Variants in CACNA1A observed in about 807,000 individuals in gnomAD.
The protein encoded by CACNA1A is voltage-dependent P/Q-type calcium channel subunit alpha-1A.
Under a neutral mutation model 262.4 loss-of-function variants are expected in CACNA1A, and 57 were observed. The ratio of observed to expected loss-of-function variants is 0.22; its 90% CI spans 0.18 to 0.27. The LOEUF (loss-of-function observed/expected upper bound fraction) is 0.27, where lower values mean the gene tolerates loss of function less well. Among genes scored for constraint, CACNA1A ranks in the 10% least tolerant of loss-of-function variants. The probability of loss-of-function intolerance (pLI) is 1.00; values close to 1 mark genes in which losing one functional copy is unlikely to be tolerated. For missense variants in CACNA1A, 2,526 were observed against 3,562.8 expected (o/e 0.71, Z 7.41); for synonymous variants, 1,431 against 1,419.3 (o/e 1.01, Z -0.18).
At chr19:13,325,032 T>TTCCTCTTCCCCTTCCCCTTCC (rs2058328078) in intron 10 of CACNA1A, among the ~76,000 whole-genome samples, 6 of 134,768 alleles carry the variant, frequency 4.5e-5, no homozygotes, top group African/African-American at 1.7e-4. Flanking sequence ...CGTCTTCTTC[T>TTCCTCTTCCCCTTCCCCTTCC]TCCTCTTCTT....
At chr19:13,442,941 TAGATCC>T (rs1281689078) in intron 3 of CACNA1A, among the ~76,000 whole-genome samples, 2 of 152,268 alleles carry the variant, frequency 1.3e-5, no homozygotes, top group East Asian at 3.8e-4. Flanking sequence ...AAATGGGTTC[TAGATCC>T]AGATCTGCCT....
At position 13,220,386 on chromosome 19, in the gene CACNA1A, G is replaced by C. The variant is rs560956477; in HGVS notation, c.5731+4281C>G. 2.0e-5 allele frequency among the ~76,000 whole-genome samples: 3 copies of C among 152,304 alleles called. No individual in the cohort carries two copies. The South Asian group carries it at 6.2e-4, about 32-fold the overall frequency. ...TCTCTGCTGGGTGGCAGATGGGGAAGTCAGAGAGAATGAGAGCACATGGAG... is the reference window on the plus strand; with the variant it reads ...TCTCTGCTGGGTGGCAGATGGGGAACTCAGAGAGAATGAGAGCACATGGAG... On this transcript the variant is annotated intron_variant, in intron 38 of 46. Coordinates refer to ENST00000360228, the MANE Select transcript of CACNA1A (RefSeq NM_001127222.2).
chr19:13,217,514 C>T (rs1279798529), intron 38 of CACNA1A, among the ~76,000 whole-genome samples: 3 of 152,168 alleles, frequency 2.0e-5, no homozygotes, highest in Non-Finnish European at 4.4e-5. Context: ...ACCCTCTTGA[C>T]CTTCCGTAAC....
At chr19:13,463,573 A>G (rs1437206033) in intron 1 of CACNA1A, among the ~76,000 whole-genome samples, 1 of 152,226 alleles carries the variant, frequency 6.6e-6, no homozygotes, top group Non-Finnish European at 1.5e-5. Context: ...ATCCCCGGGG[A>G]GAGAAAACAA....
chr19:13,259,616 G>A lies in CACNA1A; in HGVS notation c.4336C>T (p.Leu1446=), dbSNP rs1433239477. Residue 1446 remains leucine (L), a synonymous_variant, in exon 27 of 47, where the codon CTG becomes TTG. Coordinates refer to ENST00000360228, the MANE Select transcript of CACNA1A (RefSeq NM_001127222.2). ...KKYEFHYDNV[L]WALLTLFTVS... ...GTGAAGAGGGTCAGCAGAGCCCACA[G>A]CACATTGTCGTAATGGAATTCATAC... The A allele has an allele frequency of 1.2e-6, 2 of 1,610,494 alleles. No homozygotes were observed. Among genetic ancestry groups the A allele is most frequent in the East Asian group, 4.5e-5 (2 of 44,822 alleles).
At chr19:13,469,251 G>A (rs1012435669) in intron 1 of CACNA1A, among the ~76,000 whole-genome samples, 16 of 152,154 alleles carry the variant, frequency 1.1e-4, no homozygotes, top group Admixed American at 6.6e-5. Context: ...AGACTCCGAC[G>A]GAACCTGTTA....
Position 13,468,270 on chromosome 19 carries a change from G to A in CACNA1A, c.294-13058C>T, listed in dbSNP as rs75355225. On this transcript the variant is annotated intron_variant, in intron 1 of 46. Coordinates refer to ENST00000360228, the MANE Select transcript of CACNA1A (RefSeq NM_001127222.2). Reference sequence around the variant, plus strand: ...AACAAGAACTGAAGACCTTCTCCCTGTTTATCTTTTTTTCTAGGTCAGTAA... The same window carrying A: ...AACAAGAACTGAAGACCTTCTCCCTATTTATCTTTTTTTCTAGGTCAGTAA... 5.2e-3 allele frequency among the ~76,000 whole-genome samples: 784 copies of A among 152,216 alleles called. 15 individuals carry two copies. In the East Asian group the frequency reaches 0.065, roughly 13 times the overall value.
chr19:13,226,371 G>C (rs181857804), intron 37 of CACNA1A: 1,636 of 151,452 alleles, frequency 0.011, 11 homozygotes, highest in Non-Finnish European at 0.014. Context: ...AAGGAGGGGA[G>C]ACATATAGGT....
intron 6 of CACNA1A, among the ~76,000 whole-genome samples, chr19:13,346,653 TA>T (rs1568557576): frequency 3.3e-4 from 2 of 6,102 alleles, no homozygotes; most frequent in Non-Finnish European, 5.5e-4. Flanking sequence ...TATATATATA[TA>T]TATATATATA....
chr19:13,226,465 G>A (rs1865030), intron 37 of CACNA1A: 25,928 of 152,388 alleles, frequency 0.17, 2,982 homozygotes, highest in East Asian at 0.63. Context: ...GGATAGGGAC[G>A]CAGGGAAGAT....
At chr19:13,209,243 C>T (rs776111256) in intron 45 of CACNA1A, 69 bp downstream of exon 45, 107 of 1,417,162 alleles carry the variant, frequency 7.6e-5, no homozygotes, top group Admixed American at 2.8e-4. Flanking sequence ...GTGTCTCCTC[C>T]GCCCTGCCTT....
chr19:13,308,244 C>A lies in CACNA1A; in HGVS notation c.1789G>T (p.Ala597Ser). The A allele has an allele frequency of 6.2e-7, 1 of 1,612,528 alleles. No individual in the cohort carries two copies. Among genetic ancestry groups the A allele is most frequent in the Non-Finnish European group, 8.5e-7 (1 of 1,179,104 alleles). ...GAGACGACCAGGTTTCTGAGAGATG[C>A]CCAGTACCTGCCGACAGAGGCCAGG... ...LRIFKVTKYW[A>S]SLRNLVVSLL... is the part of the protein sequence containing the mutation. The change falls in exon 14 of 47, where the codon GCA (alanine) becomes TCA (serine). Residue 597 changes from alanine (A) to serine (S), a missense_variant. Physicochemically the swap from Ala to Ser is moderately conservative, Grantham distance 99. Coordinates refer to ENST00000360228, the MANE Select transcript of CACNA1A (RefSeq NM_001127222.2). The surrounding 1 kb of genome is among the most constrained non-coding windows in gnomAD (Gnocchi z 4.2).
intron 6 of CACNA1A, among the ~76,000 whole-genome samples, chr19:13,352,313 A>G (rs1198676387): frequency 6.6e-6 from 1 of 151,550 alleles, no homozygotes; most frequent in Non-Finnish European, 1.5e-5. Flanking sequence ...AGGAAGAGGT[A>G]GGAGAATTGC....
At chr19:13,398,185 C>A (rs2059841508) in intron 3 of CACNA1A, among the ~76,000 whole-genome samples, 1 of 151,838 alleles carries the variant, frequency 6.6e-6, no homozygotes, top group Admixed American at 6.6e-5. Context: ...ATGCTTGAAC[C>A]CAGGAGGTGG....
chr19:13,308,057 A>T lies in CACNA1A; in HGVS notation c.1913+63T>A, dbSNP rs2057945263. 1 of 1,597,714 alleles carries T rather than the reference A, an allele frequency of 6.3e-7. No individual in the cohort carries two copies. The highest frequency in any genetic ancestry group is 1.3e-5 in the African/African-American group (1 of 74,538). ...GAAGGCAGCCTGCACGGTGGAGGGG[A>T]CTGTGTGTTCCCTGAGCCTGACCCC... On this transcript the variant is annotated intron_variant, in intron 14 of 46. Coordinates refer to ENST00000360228, the MANE Select transcript of CACNA1A (RefSeq NM_001127222.2). This position sits in a 1 kb window ranked among gnomAD's most constrained non-coding sequence, Gnocchi z 4.2.
chr19:13,348,226 G>C (rs1446248427), intron 6 of CACNA1A, among the ~76,000 whole-genome samples: 1 of 152,164 alleles, frequency 6.6e-6, no homozygotes, highest in African/African-American at 2.4e-5. Flanking sequence ...CCTGGCCAGG[G>C]ACATGCATTT....
At chr19:13,249,176 G>A (rs929972440) in intron 30 of CACNA1A, among the ~76,000 whole-genome samples, 29 of 152,090 alleles carry the variant, frequency 1.9e-4, no homozygotes, top group Non-Finnish European at 4.1e-4. Context: ...TGTTGCCCAG[G>A]CTGGTCTGAA....
intron 4 of CACNA1A, chr19:13,365,694 G>T (rs1014260152): frequency 1.3e-5 from 6 of 450,774 alleles, no homozygotes; most frequent in African/African-American, 1.2e-4. Context: ...TTGAGACAGG[G>T]TTTTGCACTG....
intron 11 of CACNA1A, chr19:13,315,485 C>T (rs1474676575): frequency 2.0e-5 from 3 of 152,090 alleles, no homozygotes; most frequent in Admixed American, 2.0e-4. Flanking sequence ...AGTCTCAGTC[C>T]CTTGTTCCTG....
Sources: gnomAD v4.1 joint callset for allele counts (sites outside exome capture counted in the v4.1 genomes callset) on GRCh38, gnomAD v4.1.1 for gene constraint, Gnocchi (gnomAD v3.1) non-coding constraint, MANE v1.5 for transcripts, NCBI Gene and HGNC (gene_info 2026-07-23, HGNC 2026-07-21) for gene names.